The following SAXO2 variants were observed in gnomAD, a reference collection of about 807,000 sequenced individuals.
SAXO2 encodes the protein stabilizer of axonemal microtubules 2.
A neutral mutation model predicts 18.7 loss-of-function variants in SAXO2; 17 were observed. That is an observed-to-expected ratio of 0.91 (90% CI 0.62 to 1.36). The LOEUF (loss-of-function observed/expected upper bound fraction) is 1.36, where lower values mean the gene tolerates loss of function less well. SAXO2 is among the 40% of genes most tolerant of loss of function. The pLI is 0.00. For synonymous variants in SAXO2, 163 were observed against 181.2 expected, an observed-to-expected ratio of 0.90 and a Z score of 0.81; for missense variants, 486 against 562.6, an observed-to-expected ratio of 0.86 and a Z score of 1.38.
chr15:82,268,025 A>T (rs1430193463), intron 2 of SAXO2, among the ~76,000 whole-genome samples: 1 of 152,252 alleles, frequency 6.6e-6, no homozygotes, highest in Non-Finnish European at 1.5e-5. Flanking sequence ...TGTTGTTTAT[A>T]GTCTGTGGGA....
chr15:82,264,618 G>A, intron 1 of SAXO2: 1 of 701,992 alleles, frequency 1.4e-6, no homozygotes, highest in South Asian at 1.5e-5. Flanking sequence ...TAGTTCACTT[G>A]GAAGAACTTA....
At chr15:82,276,630 AT>A (rs1423117377) in intron 3 of SAXO2, among the ~76,000 whole-genome samples, 1 of 152,204 alleles carries the variant, frequency 6.6e-6, no homozygotes, top group Admixed American at 6.5e-5. Flanking sequence ...TATTCCATAA[AT>A]GATGCTGGAA....
chr15:82,270,608 A>G (rs1425686837), intron 2 of SAXO2, among the ~76,000 whole-genome samples: 1 of 152,208 alleles, frequency 6.6e-6, no homozygotes, highest in East Asian at 1.9e-4. Flanking sequence ...CGCAGCAAAT[A>G]TTGGTTAATA....
intron 1 of SAXO2, chr15:82,264,619 G>A (rs1257124840): frequency 1.4e-6 from 1 of 701,956 alleles, no homozygotes; most frequent in Non-Finnish European, 2.6e-6. Flanking sequence ...AGTTCACTTG[G>A]AAGAACTTAA....
At chr15:82,279,510 AG>A (rs1408051778) in intron 3 of SAXO2, among the ~76,000 whole-genome samples, 2 of 152,110 alleles carry the variant, frequency 1.3e-5, no homozygotes, top group Non-Finnish European at 2.9e-5. Context: ...CATTTATCTG[AG>A]GGACATCCAA....
chr15:82,271,541 TC>T (rs1172470857), intron 2 of SAXO2, 61 bp from the exon 3 acceptor site: 1 of 1,360,028 alleles, frequency 7.4e-7, no homozygotes, highest in Non-Finnish European at 1.0e-6. Context: ...TTTCCATACT[TC>T]ATTGAAATAA....
intron 2 of SAXO2, 53 bp from the exon 3 acceptor site, chr15:82,271,550 T>A: frequency 7.1e-7 from 1 of 1,410,096 alleles, no homozygotes; most frequent in Non-Finnish European, 9.6e-7. Context: ...TTCATTGAAA[T>A]AATTAGGAAT....
chr15:82,270,412 C>T (rs112202619), intron 2 of SAXO2, among the ~76,000 whole-genome samples: 1 of 152,020 alleles, frequency 6.6e-6, no homozygotes, highest in Non-Finnish European at 1.5e-5. Context: ...TAAAAATGTT[C>T]GATGAATTTA....
chr15:82,263,774 ATT>A (rs1211932550), intron 1 of SAXO2, among the ~76,000 whole-genome samples: 3 of 152,148 alleles, frequency 2.0e-5, no homozygotes, highest in Admixed American at 1.3e-4. Flanking sequence ...TTTTCTCCTA[ATT>A]TATATTCAAC....
intron 1 of SAXO2, chr15:82,264,983 G>A (rs1194406579): frequency 7.6e-6 from 4 of 524,950 alleles, no homozygotes; most frequent in Non-Finnish European, 1.4e-5. Context: ...GCAAGAGCAT[G>A]GGAAATTCCC....
At chr15:82,267,680 A>G (rs1380134651) in intron 2 of SAXO2, among the ~76,000 whole-genome samples, 1 of 152,178 alleles carries the variant, frequency 6.6e-6, no homozygotes, top group Non-Finnish European at 1.5e-5. Flanking sequence ...TTTTAGTCTA[A>G]TATTTATATT....
At chr15:82,271,856 C>A in intron 3 of SAXO2, 54 bp downstream of exon 3, 2 of 1,421,794 alleles carry the variant, frequency 1.4e-6, no homozygotes, top group Admixed American at 1.9e-5. Context: ...TCACTTCCAG[C>A]TTTAACATCT....
At chr15:82,271,338 G>C (rs894955730) in intron 2 of SAXO2, among the ~76,000 whole-genome samples, 1 of 152,216 alleles carries the variant, frequency 6.6e-6, no homozygotes, top group East Asian at 1.9e-4. Context: ...CTGAAGATCC[G>C]ATTAACTGAG....
chr15:82,281,446 A>G (rs1465794693), intron 3 of SAXO2, among the ~76,000 whole-genome samples: 1 of 151,856 alleles, frequency 6.6e-6, no homozygotes, highest in Non-Finnish European at 1.5e-5. Flanking sequence ...ACATTCAGTT[A>G]AGGCCTCTGG....
chr15:82,271,988 T>C (rs1445398987), intron 3 of SAXO2, 186 bp downstream of exon 3: 3 of 542,398 alleles, frequency 5.5e-6, no homozygotes, highest in African/African-American at 3.8e-5. Context: ...ATTTGTCTGA[T>C]TGAGTGGTAA....
intron 3 of SAXO2, among the ~76,000 whole-genome samples, chr15:82,273,825 C>T (rs1257893415): frequency 6.6e-6 from 1 of 151,936 alleles, no homozygotes; most frequent in Non-Finnish European, 1.5e-5. Context: ...GCAACCTCCG[C>T]CTCCCGGGTT....
At chr15:82,281,718 G>A (rs2075363306) in intron 3 of SAXO2, among the ~76,000 whole-genome samples, 1 of 151,478 alleles carries the variant, frequency 6.6e-6, no homozygotes, top group Admixed American at 6.6e-5. Flanking sequence ...GCTTTTAGAC[G>A]TACCTTAGCA....
At chr15:82,264,652 TC>T in intron 1 of SAXO2, 1 of 702,254 alleles carries the variant, frequency 1.4e-6, no homozygotes, top group Non-Finnish European at 2.6e-6. Flanking sequence ...AAAATAAGCT[TC>T]CACAAAAATT....
At chr15:82,264,207 G>A (rs912076457) in intron 1 of SAXO2, among the ~76,000 whole-genome samples, 2 of 151,528 alleles carry the variant, frequency 1.3e-5, no homozygotes, top group Admixed American at 1.3e-4. Flanking sequence ...GAGTAGCTGG[G>A]ATTACAGGCT....
Sources: gnomAD v4.1 joint callset for allele counts (sites outside exome capture counted in the v4.1 genomes callset) on GRCh38, gnomAD v4.1.1 for gene constraint, MANE v1.5 for transcripts, NCBI Gene and HGNC (gene_info 2026-07-23, HGNC 2026-07-21) for gene names.